The following CXCL10 variants were observed in gnomAD, a reference collection of about 807,000 sequenced individuals.
CXCL10 encodes C-X-C motif chemokine 10.
A neutral mutation model predicts 10.8 loss-of-function variants in CXCL10; 6 were observed. The ratio of observed to expected loss-of-function variants is 0.55; its 90% CI spans 0.30 to 1.09. The LOEUF is 1.09. CXCL10 is among the 50% of genes least tolerant of loss of function. The pLI, the probability that CXCL10 is intolerant of heterozygous loss-of-function variation, is 0.06. For missense variants in CXCL10, 114 were observed against 114.3 expected, an observed-to-expected ratio of 1.00 and a Z score of 0.01; for synonymous variants, 35 against 35.8, an observed-to-expected ratio of 0.98 and a Z score of 0.08.
At position 76,023,478 on chromosome 4, in the gene CXCL10, A is replaced by G. The variant is rs765381166; in HGVS notation, c.-47T>C. On this transcript the variant is annotated 5_prime_UTR_variant, in exon 1 of 4. Coordinates refer to ENST00000306602, the MANE Select transcript of CXCL10 (RefSeq NM_001565.4). ...TCTGCTGTAGGCTCAGAATATGTCT[A>G]AGCAATTGAGGAATGTCTCAGAAAA... 2.6e-6 allele frequency: 4 copies of G among 1,538,026 alleles called. No individual in the cohort carries two copies. The South Asian group carries it at 4.5e-5, about 17-fold the overall frequency.
chr4:76,021,792 T>C lies in CXCL10; in HGVS notation c.*138A>G, dbSNP rs1028448445. On this transcript the variant is annotated 3_prime_UTR_variant, in exon 4 of 4. Coordinates refer to ENST00000306602, the MANE Select transcript of CXCL10 (RefSeq NM_001565.4). Reference sequence around the variant, plus strand: ...GTAGCAGCTGATTTGGTGACCATCATTGGTCACCTTTTAGTGTAACTGCAA... The same window carrying C: ...GTAGCAGCTGATTTGGTGACCATCACTGGTCACCTTTTAGTGTAACTGCAA... The C allele has an allele frequency of 1.2e-6, 1 of 820,336 alleles. No homozygotes were observed. The highest frequency in any genetic ancestry group is 2.1e-6 in the Non-Finnish European group (1 of 476,986). 50.8% of individuals were successfully genotyped at this position (820,336 alleles called of 1,614,324 possible). A position where few individuals can be genotyped will look rare whatever the true frequency, so the allele number is the denominator to read the frequency against.
intron 1 of CXCL10, among the ~76,000 whole-genome samples, chr4:76,023,062 A>C (rs1461306275): frequency 1.3e-5 from 2 of 152,156 alleles, no homozygotes; most frequent in Admixed American, 6.5e-5. Flanking sequence ...TGGTTCATTG[A>C]GCTTAGTTAG....
chr4:76,022,096 T>C, intron 3 of CXCL10, 148 bp from the exon 4 acceptor site: 1 of 849,074 alleles, frequency 1.2e-6, no homozygotes. Flanking sequence ...GGTTGCTTTT[T>C]TCAACCATGA....
chr4:76,021,718 T>C lies in CXCL10; in HGVS notation c.*212A>G, dbSNP rs973552099. 1.7e-6 allele frequency: 1 copy of C among 593,444 alleles called. No homozygotes were observed. The highest frequency in any genetic ancestry group is 1.9e-5 in the African/African-American group (1 of 53,766). The allele number at this position is 593,444 out of a possible 1,614,324, so 36.8% of individuals were successfully genotyped here. ...TTACATTATAGTGCCAGGGTAGAGTTATTACTGAATAGCTTAGGATGATGA... is the reference window on the plus strand; with the variant it reads ...TTACATTATAGTGCCAGGGTAGAGTCATTACTGAATAGCTTAGGATGATGA... On this transcript the variant is annotated 3_prime_UTR_variant, in exon 4 of 4. Coordinates refer to ENST00000306602, the MANE Select transcript of CXCL10 (RefSeq NM_001565.4).
chr4:76,023,238 A>C (rs1276183240), intron 1 of CXCL10, 133 bp downstream of exon 1: 365 of 637,742 alleles, frequency 5.7e-4, no homozygotes, highest in Non-Finnish European at 7.3e-4. Flanking sequence ...ATCTGAGGGA[A>C]TCTCTATTTA....
chr4:76,021,666 A>G lies in CXCL10; in HGVS notation c.*264T>C, dbSNP rs1732827670. ...TATTTGAAGCAGGGTCAGAACATCCACTAAGAACATAGCACCTCAGTAGAG... is the reference window on the plus strand; with the variant it reads ...TATTTGAAGCAGGGTCAGAACATCCGCTAAGAACATAGCACCTCAGTAGAG... On this transcript the variant is annotated 3_prime_UTR_variant, in exon 4 of 4. Transcript: ENST00000306602. 1.4e-5 allele frequency: 6 copies of G among 436,602 alleles called. No individual in the cohort carries two copies. The Admixed American group carries it at 2.3e-4, about 17-fold the overall frequency. The allele number at this position is 436,602 out of a possible 1,614,324, so 27.0% of individuals were successfully genotyped here.
At position 76,021,736 on chromosome 4, in the gene CXCL10, G is replaced by A. The variant is rs1344213126; in HGVS notation, c.*194C>T. ...GTAGAGTTATTACTGAATAGCTTAG[G>A]ATGATGAACATTAACCTTCCTACAG... is the stretch of plus-strand genomic sequence containing the variant. On this transcript the variant is annotated 3_prime_UTR_variant, in exon 4 of 4. Coordinates refer to ENST00000306602, the MANE Select transcript of CXCL10 (RefSeq NM_001565.4). The A allele has an allele frequency of 3.1e-6, 2 of 645,534 alleles. No homozygotes were observed. The highest frequency in any genetic ancestry group is 2.7e-5 in the Admixed American group (1 of 37,578). 40.0% of individuals were successfully genotyped at this position (645,534 alleles called of 1,614,324 possible).
Position 76,021,887 on chromosome 4 carries a change from T to G in CXCL10, c.*43A>C, listed in dbSNP as rs751103662. The stretch of plus-strand genomic sequence containing the variant: ...GATGGGAGAGGCAGCCTCTGTGTGG[T>G]CCATCCTTGGAAGCACTGCATCGAT... On this transcript the variant is annotated 3_prime_UTR_variant, in exon 4 of 4. Transcript: ENST00000306602. 11 of 1,585,972 alleles carry G rather than the reference T, an allele frequency of 6.9e-6. No homozygotes were observed. In the African/African-American group the frequency reaches 1.3e-4, roughly 19 times the overall value.
At position 76,021,663 on chromosome 4, in the gene CXCL10, T is replaced by C. The variant is rs1406377228; in HGVS notation, c.*267A>G. The C allele has an allele frequency of 7.2e-6, 3 of 416,212 alleles. No homozygotes were observed. Among genetic ancestry groups the C allele is most frequent in the African/African-American group, 2.0e-5 (1 of 49,132 alleles). The allele number at this position is 416,212 out of a possible 1,614,324, so 25.8% of individuals were successfully genotyped here. ...AAATATTTGAAGCAGGGTCAGAACA[T>C]CCACTAAGAACATAGCACCTCAGTA... On this transcript the variant is annotated 3_prime_UTR_variant, in exon 4 of 4. Transcript: ENST00000306602.
In CXCL10 at chr4:76,023,306, T is replaced by G. The variant is rs568275340; in HGVS notation, c.61+65A>C. 62 of 1,272,912 alleles carry G rather than the reference T, an allele frequency of 4.9e-5. No homozygotes were observed. In the South Asian group the frequency reaches 7.0e-4, roughly 14 times the overall value. The allele number at this position is 1,272,912 out of a possible 1,614,324, so 78.9% of individuals were successfully genotyped here. A position where few individuals can be genotyped will look rare whatever the true frequency, so the allele number is the denominator to read the frequency against. ...TTTTACAAATACATTATTTCTGTATTTTTAGAATTTATACCTATTCCTATT... is the reference window on the plus strand; with the variant it reads ...TTTTACAAATACATTATTTCTGTATGTTTAGAATTTATACCTATTCCTATT... On this transcript the variant is annotated intron_variant, in intron 1 of 3. Transcript: ENST00000306602.
At chr4:76,023,229 T>C in intron 1 of CXCL10, 142 bp downstream of exon 1, 1 of 669,008 alleles carries the variant, frequency 1.5e-6, no homozygotes, top group Non-Finnish European at 2.6e-6. Context: ...AGTTTTATGA[T>C]CTGAGGGAAT....
Position 76,022,703 on chromosome 4 carries a change from C to A in CXCL10, c.176G>T (p.Arg59Leu), listed in dbSNP as rs746142444. 1.9e-6 allele frequency: 3 copies of A among 1,613,578 alleles called. No individual in the cohort carries two copies. The highest frequency in any genetic ancestry group is 2.7e-5 in the African/African-American group (2 of 74,900). The change falls in exon 2 of 4, where the codon CGT becomes CTT. Residue 59 changes from arginine to leucine, a missense_variant. By Grantham distance (102) the Arg-to-Leu change is moderately radical. Transcript: ENST00000306602. ...GGATTTCACTCACATGATCTCAACACGTGGACAAAATTGGCTTGCAGGAAT... is the reference window on the plus strand; with the variant it reads ...GGATTTCACTCACATGATCTCAACAAGTGGACAAAATTGGCTTGCAGGAAT... ...EIIPASQFCP[R>L]VEIIATMKKK...
chr4:76,023,460 T>C lies in CXCL10; in HGVS notation c.-29A>G, dbSNP rs1733076954. The C allele has an allele frequency of 5.6e-6, 9 of 1,601,252 alleles. No homozygotes were observed. Among genetic ancestry groups the C allele is most frequent in the Non-Finnish European group, 7.7e-6 (9 of 1,168,320 alleles). ...GCTGAGACTGGAGGTTCCTCTGCTGTAGGCTCAGAATATGTCTAAGCAATT... is the reference window on the plus strand; with the variant it reads ...GCTGAGACTGGAGGTTCCTCTGCTGCAGGCTCAGAATATGTCTAAGCAATT... On this transcript the variant is annotated 5_prime_UTR_variant, in exon 1 of 4. Transcript: ENST00000306602.
chr4:76,022,305 C>T, intron 3 of CXCL10, 61 bp downstream of exon 3: 1 of 1,369,572 alleles, frequency 7.3e-7, no homozygotes, highest in East Asian at 2.3e-5. Flanking sequence ...GCAAGTATTT[C>T]TGACTCCCAA....
At chr4:76,022,312 C>T (rs1050675273) in intron 3 of CXCL10, 54 bp downstream of exon 3, 4 of 1,442,150 alleles carry the variant, frequency 2.8e-6, no homozygotes, top group Non-Finnish European at 2.9e-6. Context: ...TTTCTGACTC[C>T]CAAGATTGCC....
chr4:76,021,406 A>G lies in CXCL10; in HGVS notation c.*524T>C, dbSNP rs1732797474. On this transcript the variant is annotated 3_prime_UTR_variant, in exon 4 of 4. Transcript: ENST00000306602. ...TCATTAAATAAGAATACTTACACAT[A>G]CATTTTCAGATATTTCTACCTTCCT... 1 of 153,394 alleles carries G rather than the reference A, an allele frequency of 6.5e-6. No homozygotes were observed. The highest frequency in any genetic ancestry group is 1.5e-5 in the Non-Finnish European group (1 of 68,954). 9.5% of individuals were successfully genotyped at this position (153,394 alleles called of 1,614,324 possible). A position where few individuals can be genotyped will look rare whatever the true frequency, so the allele number is the denominator to read the frequency against.
intron 2 of CXCL10, 116 bp from the exon 3 acceptor site, chr4:76,022,571 T>C: frequency 6.8e-7 from 1 of 1,474,268 alleles, no homozygotes; most frequent in African/African-American, 1.4e-5. Flanking sequence ...TTTTGTTTGC[T>C]GTACATTAGT....
Position 76,021,678 on chromosome 4 carries a change from G to A in CXCL10, c.*252C>T, listed in dbSNP as rs1732830164. 2 of 473,456 alleles carry A rather than the reference G, an allele frequency of 4.2e-6. No individual in the cohort carries two copies. Among genetic ancestry groups the A allele is most frequent in the Admixed American group, 3.7e-5 (1 of 27,384 alleles). 29.3% of individuals were successfully genotyped at this position (473,456 alleles called of 1,614,324 possible). Reference sequence around the variant, plus strand: ...GGTCAGAACATCCACTAAGAACATAGCACCTCAGTAGAGCTTACATTATAG... The same window carrying A: ...GGTCAGAACATCCACTAAGAACATAACACCTCAGTAGAGCTTACATTATAG... On this transcript the variant is annotated 3_prime_UTR_variant, in exon 4 of 4. Transcript: ENST00000306602.
rs905908311 is a variant in CXCL10, at chr4:76,021,644, T to C, written c.*286A>G. 16 of 381,442 alleles carry C rather than the reference T, an allele frequency of 4.2e-5. No individual in the cohort carries two copies. The highest frequency in any genetic ancestry group is 3.1e-4 in the African/African-American group (15 of 48,358). 23.6% of individuals were successfully genotyped at this position (381,442 alleles called of 1,614,324 possible). A position where few individuals can be genotyped will look rare whatever the true frequency, so the allele number is the denominator to read the frequency against. ...AAGATGGGAAAGGTGAGGGAAATAT[T>C]TGAAGCAGGGTCAGAACATCCACTA... On this transcript the variant is annotated 3_prime_UTR_variant, in exon 4 of 4. Coordinates refer to ENST00000306602, the MANE Select transcript of CXCL10 (RefSeq NM_001565.4).
Sources: allele counts gnomAD v4.1 joint callset (sites outside exome capture counted in the v4.1 genomes callset), GRCh38; gene constraint gnomAD v4.1.1; transcripts MANE v1.5; gene names NCBI Gene and HGNC (gene_info 2026-07-23, HGNC 2026-07-21).